FBN2: variants seen among roughly 807,000 people sequenced by gnomAD.
FBN2 encodes fibrillin 2, also known as fibrillin-2.
A neutral mutation model predicts 355.6 loss-of-function variants in FBN2; 105 were observed. The ratio of observed to expected loss-of-function variants is 0.30; its 90% confidence interval spans 0.25 to 0.35. The LOEUF (loss-of-function observed/expected upper bound fraction) is 0.35. Ranked by LOEUF, FBN2 falls within the 10% of genes least tolerant of loss-of-function variation. The pLI is 1.00. For synonymous variants in FBN2, 1,350 were observed against 1,301.2 expected (o/e 1.04, Z -0.81); for missense variants, 3,280 against 3,758.7 (o/e 0.87, Z 3.33).
At chr5:128,535,035 T>G (rs974914896) in intron 2 of FBN2, among the ~76,000 whole-genome samples, 1 of 152,116 alleles carries the variant, frequency 6.6e-6, no homozygotes, top group African/African-American at 2.4e-5. Flanking sequence ...CCTGAAAGAG[T>G]AAACCCACCC....
At chr5:128,455,913 G>A (rs916052209) in intron 6 of FBN2, among the ~76,000 whole-genome samples, 1 of 148,180 alleles carries the variant, frequency 6.7e-6, no homozygotes, top group African/African-American at 2.5e-5. Flanking sequence ...GGAGCCCCCC[G>A]GGGGTTGTGG....
Position 128,259,716 on chromosome 5 carries a change from C to G in FBN2, c.8478G>C (p.Gln2826His), listed in dbSNP as rs1161871936. The G allele has an allele frequency of 6.2e-7, 1 of 1,613,802 alleles. No individual in the cohort carries two copies. Among genetic ancestry groups the G allele is most frequent in the Non-Finnish European group, 8.5e-7 (1 of 1,179,926 alleles). Residue 2826 changes from glutamine to histidine, a missense_variant, in exon 65 of 65, where the codon CAG becomes CAC. Transcript: ENST00000262464. ...EHILELRPAI[Q>H]PLNNHIRYVI... ...CATAACGGATGTGGTTGTTGAGGGG[C>G]TGGATGGCGGGCCTTAGTTCCAGGA... is the stretch of plus-strand genomic sequence containing the variant.
intron 52 of FBN2, 116 bp from the exon 53 acceptor site, chr5:128,288,673 A>G: frequency 8.4e-7 from 1 of 1,191,296 alleles, no homozygotes; most frequent in Non-Finnish European, 1.2e-6. Context: ...GGCACATGTA[A>G]CCCTGGCATC....
At chr5:128,456,378 G>T (rs1754395214) in intron 6 of FBN2, among the ~76,000 whole-genome samples, 1 of 152,154 alleles carries the variant, frequency 6.6e-6, no homozygotes, top group Non-Finnish European at 1.5e-5. Context: ...TAGTTCTGAG[G>T]AATCTGGGCA....
chr5:128,282,147 G>C (rs1021280195), intron 55 of FBN2, among the ~76,000 whole-genome samples: 2 of 151,956 alleles, frequency 1.3e-5, no homozygotes, highest in Non-Finnish European at 2.9e-5. Context: ...TTTTAAACCA[G>C]TGTTACTGTT....
chr5:128,490,474 T>A (rs1463707181), intron 5 of FBN2, among the ~76,000 whole-genome samples: 5 of 152,216 alleles, frequency 3.3e-5, no homozygotes, highest in African/African-American at 1.2e-4. Context: ...AAATGAAAAC[T>A]GTAAAACAAG....
intron 55 of FBN2, among the ~76,000 whole-genome samples, chr5:128,283,371 G>A (rs1749034076): frequency 6.6e-6 from 1 of 152,182 alleles, no homozygotes; most frequent in Non-Finnish European, 1.5e-5. Context: ...CTTAATGTGT[G>A]TGCTCCACTG....
intron 8 of FBN2, among the ~76,000 whole-genome samples, chr5:128,399,593 G>A (rs981231859): frequency 4.6e-5 from 7 of 152,050 alleles, no homozygotes; most frequent in African/African-American, 1.7e-4. Flanking sequence ...AAATAAGTGG[G>A]TAAATCTAAA....
At chr5:128,265,212 T>C (rs935729056) in intron 62 of FBN2, among the ~76,000 whole-genome samples, 6 of 152,184 alleles carry the variant, frequency 3.9e-5, no homozygotes, top group Admixed American at 1.3e-4. Context: ...AGATCTGACA[T>C]TCCTATGCAG....
chr5:128,371,105 C>T (rs1389604556), intron 15 of FBN2: 1 of 151,618 alleles, frequency 6.6e-6, no homozygotes, highest in East Asian at 1.9e-4. Flanking sequence ...TTTTCTAAGA[C>T]TAGTAAAGTG....
At chr5:128,485,705 G>T (rs748385928) in intron 5 of FBN2, among the ~76,000 whole-genome samples, 2 of 152,120 alleles carry the variant, frequency 1.3e-5, no homozygotes, top group Non-Finnish European at 2.9e-5. Context: ...CTCTGGAAAA[G>T]GAGGAATTGA....
At chr5:128,394,706 C>T (rs1752601137) in intron 9 of FBN2, among the ~76,000 whole-genome samples, 1 of 152,150 alleles carries the variant, frequency 6.6e-6, no homozygotes, top group African/African-American at 2.4e-5. Flanking sequence ...TGCTATCACA[C>T]TCCCCACAAA....
intron 8 of FBN2, among the ~76,000 whole-genome samples, chr5:128,403,789 C>G (rs772368498): frequency 6.6e-6 from 1 of 151,488 alleles, no homozygotes; most frequent in Non-Finnish European, 1.5e-5. Flanking sequence ...ATTAAACACA[C>G]TAGATAGATA....
At chr5:128,318,472 A>G (rs1468273139) in intron 35 of FBN2, among the ~76,000 whole-genome samples, 1 of 152,148 alleles carries the variant, frequency 6.6e-6, no homozygotes, top group East Asian at 1.9e-4. Context: ...TATTTATGAC[A>G]GCGTTTAACA....
At chr5:128,274,522 T>A in intron 60 of FBN2, 45 bp downstream of exon 60, 1 of 987,578 alleles carries the variant, frequency 1.0e-6, no homozygotes, top group Non-Finnish European at 1.6e-6. Flanking sequence ...TTTTTATGCA[T>A]CTACTAGAAG....
intron 5 of FBN2, among the ~76,000 whole-genome samples, chr5:128,504,685 T>G (rs1202340046): frequency 6.6e-6 from 1 of 152,214 alleles, no homozygotes; most frequent in East Asian, 1.9e-4. Context: ...GTAACTAACT[T>G]GCTTTCAATT....
chr5:128,430,575 G>A (rs1324139676), intron 7 of FBN2, among the ~76,000 whole-genome samples: 2 of 152,084 alleles, frequency 1.3e-5, no homozygotes, highest in Non-Finnish European at 2.9e-5. Context: ...CCAGTGAGGT[G>A]GCTTACGCTT....
intron 4 of FBN2, among the ~76,000 whole-genome samples, chr5:128,521,718 A>C (rs1301617619): frequency 6.6e-6 from 1 of 152,178 alleles, no homozygotes; most frequent in African/African-American, 2.4e-5. Flanking sequence ...CTTTGGGGAA[A>C]AGCTGTCCAC....
chr5:128,446,472 G>C lies in FBN2; in HGVS notation c.952+9C>G, dbSNP rs747798236. On this transcript the variant is annotated intron_variant, in intron 7 of 64. Transcript: ENST00000262464. ...AATTAGGCATGCTTCCCAAAGTAGA[G>C]AGACTCACCTTCACATTTCTGAGTA... 5.0e-6 allele frequency: 8 copies of C among 1,613,482 alleles called. No individual in the cohort carries two copies. Among genetic ancestry groups the C allele is most frequent in the South Asian group, 1.1e-5 (1 of 91,052 alleles).
Sources: allele counts gnomAD v4.1 joint callset (sites outside exome capture counted in the v4.1 genomes callset), GRCh38; gene constraint gnomAD v4.1.1; transcripts MANE v1.5; gene names NCBI Gene and HGNC (gene_info 2026-07-23, HGNC 2026-07-21).